Variants in TAF4B observed in about 807,000 individuals in gnomAD.
TAF4B encodes TATA-box binding protein associated factor 4b, also known as transcription initiation factor TFIID subunit 4B.
TAF4B carries 38 observed loss-of-function variants against 86.4 expected under a neutral mutation model. That is an observed-to-expected ratio of 0.44 (90% CI 0.34 to 0.58). The LOEUF (loss-of-function observed/expected upper bound fraction) is 0.58, where lower values mean the gene tolerates loss of function less well. Ranked by LOEUF, TAF4B falls within the 20% of genes least tolerant of loss-of-function variation. TAF4B has a pLI of 0.02. For missense variants in TAF4B, 988 were observed against 1,027.6 expected (o/e 0.96, Z 0.53); for synonymous variants, 388 against 391.2 (o/e 0.99, Z 0.10).
chr18:26,369,229 A>AG (rs1194388137), intron 14 of TAF4B, among the ~76,000 whole-genome samples: 1 of 152,218 alleles, frequency 6.6e-6, no homozygotes, highest in Non-Finnish European at 1.5e-5. Context: ...ACTAAAAAAA[A>AG]GGGAAAAGAA....
intron 14 of TAF4B, among the ~76,000 whole-genome samples, chr18:26,362,420 A>G (rs1015790225): frequency 6.6e-6 from 1 of 152,242 alleles, no homozygotes; most frequent in South Asian, 2.1e-4. Context: ...AATGTTAATC[A>G]TTAATCTCTC....
rs16942219 is a variant in TAF4B, at chr18:26,274,810, A to G, written c.745A>G (p.Ile249Val). ...AGCAGAGAACTCAGCAGCTGTTCAG[A>G]TTAATCTTTCTCCGGTAAGCTCTTA... ...LKAENSAAVQ[I>V]NLSPTMLENV... Residue 249 changes from isoleucine (I) to valine (V), a missense_variant, in exon 4 of 15, where the codon ATT becomes GTT. By Grantham distance (29) the Ile-to-Val change is conservative. Transcript: ENST00000269142. The G allele has an allele frequency of 1.1e-3, 1,714 of 1,614,176 alleles. 10 individuals carry two copies. In the African/African-American group the frequency reaches 0.019, roughly 18 times the overall value.
At chr18:26,308,504 G>A (rs886329872) in intron 9 of TAF4B, among the ~76,000 whole-genome samples, 4 of 152,278 alleles carry the variant, frequency 2.6e-5, no homozygotes, top group African/African-American at 9.6e-5. Context: ...TTTGTCATGA[G>A]CATTCTCAAG....
At chr18:26,294,126 C>T (rs1372477004) in intron 9 of TAF4B, among the ~76,000 whole-genome samples, 3 of 151,960 alleles carry the variant, frequency 2.0e-5, no homozygotes, top group Non-Finnish European at 4.4e-5. Context: ...TGAACATATG[C>T]TTTTGCTATC....
At chr18:26,345,685 G>C (rs1184992335) in intron 13 of TAF4B, among the ~76,000 whole-genome samples, 2 of 152,074 alleles carry the variant, frequency 1.3e-5, no homozygotes, top group Admixed American at 1.3e-4. Context: ...ATTTTTCTCT[G>C]TGAAACCTCC....
chr18:26,312,159 T>A (rs914100703), intron 9 of TAF4B, among the ~76,000 whole-genome samples: 2 of 152,218 alleles, frequency 1.3e-5, no homozygotes, highest in African/African-American at 4.8e-5. Context: ...ACCAGAAGAC[T>A]TGAAGACTTG....
intron 1 of TAF4B, among the ~76,000 whole-genome samples, chr18:26,257,497 T>C (rs751418164): frequency 7.9e-5 from 12 of 152,194 alleles, no homozygotes; most frequent in Non-Finnish European, 1.3e-4. Flanking sequence ...ACCTAGCACT[T>C]TCTCCCTTTT....
intron 1 of TAF4B, among the ~76,000 whole-genome samples, chr18:26,230,747 C>T (rs1439578771): frequency 1.3e-5 from 2 of 152,116 alleles, no homozygotes; most frequent in African/African-American, 2.4e-5. Flanking sequence ...GATTACAAGT[C>T]CCTGCTTCTG....
At chr18:26,241,488 A>C (rs1011695703) in intron 1 of TAF4B, among the ~76,000 whole-genome samples, 1 of 152,028 alleles carries the variant, frequency 6.6e-6, no homozygotes, top group Admixed American at 6.5e-5. Context: ...CTTCTTTATT[A>C]GTCTTGCTAG....
intron 14 of TAF4B, among the ~76,000 whole-genome samples, chr18:26,378,466 C>G (rs1282341282): frequency 6.6e-6 from 1 of 152,156 alleles, no homozygotes; most frequent in Non-Finnish European, 1.5e-5. Context: ...TCTCATACTT[C>G]TATACCAAAG....
chr18:26,292,145 T>C, intron 7 of TAF4B, 101 bp from the exon 8 acceptor site: 1 of 1,360,138 alleles, frequency 7.4e-7, no homozygotes, highest in South Asian at 1.6e-5. Flanking sequence ...TAAAGGTATA[T>C]TTATGGCTGG....
chr18:26,344,467 T>C (rs2057160692), intron 13 of TAF4B, among the ~76,000 whole-genome samples: 1 of 151,954 alleles, frequency 6.6e-6, no homozygotes, highest in Non-Finnish European at 1.5e-5. Context: ...CATGAAAATA[T>C]CCTGCAGAAA....
chr18:26,310,078 CTCCGAAA>C (rs1271930469), intron 9 of TAF4B, among the ~76,000 whole-genome samples: 1 of 152,204 alleles, frequency 6.6e-6, no homozygotes, highest in Admixed American at 6.5e-5. Context: ...CCACCTCGGG[CTCCGAAA>C]GTGTTGGGAT....
At chr18:26,366,759 A>AT (rs57717951) in intron 14 of TAF4B, among the ~76,000 whole-genome samples, 1,579 of 152,272 alleles carry the variant, frequency 0.01, 22 homozygotes, top group African/African-American at 0.036. Flanking sequence ...CAAACTTGCC[A>AT]TTTTTTTAGG....
intron 14 of TAF4B, among the ~76,000 whole-genome samples, chr18:26,383,330 A>G (rs1384753728): frequency 6.6e-6 from 1 of 152,228 alleles, no homozygotes; most frequent in Non-Finnish European, 1.5e-5. Context: ...GAAGTAATCT[A>G]GGCAGAAGAT....
chr18:26,243,768 T>C (rs964965520), intron 1 of TAF4B, among the ~76,000 whole-genome samples: 16 of 152,212 alleles, frequency 1.1e-4, no homozygotes, highest in African/African-American at 3.9e-4. Flanking sequence ...GGGGTTTTGG[T>C]GTGGGTGTCC....
At chr18:26,329,925 C>G (rs144354549) in intron 12 of TAF4B, among the ~76,000 whole-genome samples, 6,625 of 152,252 alleles carry the variant, frequency 0.044, 199 homozygotes, top group Non-Finnish European at 0.061. Flanking sequence ...CCACCTCAGC[C>G]CCCCAAGTAG....
At position 26,253,514 on chromosome 18, in the gene TAF4B, A is replaced by G. The variant is rs139719659; in HGVS notation, c.344-11656A>G. Reference sequence around the variant, plus strand: ...GTCAAGAATTTTTGTGTCTATATCCATAAGGGATATTGACCTGTGGTTTTC... The same window carrying G: ...GTCAAGAATTTTTGTGTCTATATCCGTAAGGGATATTGACCTGTGGTTTTC... On this transcript the variant is annotated intron_variant, in intron 1 of 14. Coordinates refer to ENST00000269142, the MANE Select transcript of TAF4B (RefSeq NM_005640.3). 4.7e-3 allele frequency among the ~76,000 whole-genome samples: 718 copies of G among 152,310 alleles called. 9 individuals carry two copies. Among genetic ancestry groups the G allele is most frequent in the African/African-American group, 0.015 (618 of 41,574 alleles).
intron 14 of TAF4B, among the ~76,000 whole-genome samples, chr18:26,367,870 A>C (rs1174965608): frequency 6.6e-6 from 1 of 152,240 alleles, no homozygotes; most frequent in Non-Finnish European, 1.5e-5. Context: ...ATAGACACTC[A>C]TAATGCTTAC....
Sources: gnomAD v4.1 joint callset for allele counts (sites outside exome capture counted in the v4.1 genomes callset) on GRCh38, gnomAD v4.1.1 for gene constraint, MANE v1.5 for transcripts, NCBI Gene and HGNC (gene_info 2026-07-23, HGNC 2026-07-21) for gene names.